Variants in FBN2 observed in about 807,000 individuals in gnomAD.
The protein encoded by FBN2 is fibrillin-2.
A neutral mutation model predicts 355.6 loss-of-function variants in FBN2; 105 were observed. The ratio of observed to expected loss-of-function variants is 0.30; its 90% CI spans 0.25 to 0.35. The LOEUF is 0.35. FBN2 is among the 10% of genes least tolerant of loss of function. The probability of loss-of-function intolerance (pLI) is 1.00; values close to 1 mark genes in which losing one functional copy is unlikely to be tolerated. For missense variants in FBN2, 3,280 were observed against 3,758.7 expected, an observed-to-expected ratio of 0.87 and a Z score of 3.33; for synonymous variants, 1,350 against 1,301.2, an observed-to-expected ratio of 1.04 and a Z score of -0.81.
chr5:128,376,258 C>A (rs1752074567), intron 14 of FBN2, among the ~76,000 whole-genome samples: 1 of 152,048 alleles, frequency 6.6e-6, no homozygotes, highest in Non-Finnish European at 1.5e-5. Flanking sequence ...AAAATTATGT[C>A]TTCACTAAAT....
intron 7 of FBN2, among the ~76,000 whole-genome samples, chr5:128,439,351 T>C (rs183096496): frequency 6.6e-6 from 1 of 152,180 alleles, no homozygotes; most frequent in East Asian, 1.9e-4. Context: ...TATACTCTTA[T>C]CAGGAATTTG....
chr5:128,276,248 T>G (rs1440415203), intron 58 of FBN2, 88 bp from the exon 59 acceptor site: 1 of 1,414,656 alleles, frequency 7.1e-7, no homozygotes, highest in Non-Finnish European at 9.9e-7. Flanking sequence ...TTCATTCTTT[T>G]TGTTTTTCCT....
chr5:128,264,048 T>C (rs886881764), intron 62 of FBN2, among the ~76,000 whole-genome samples: 7 of 152,146 alleles, frequency 4.6e-5, no homozygotes, highest in African/African-American at 1.7e-4. Flanking sequence ...AAATGGGAAA[T>C]GACCGCTCTT....
chr5:128,444,143 G>A (rs1250994818), intron 7 of FBN2, among the ~76,000 whole-genome samples: 3 of 143,326 alleles, frequency 2.1e-5, no homozygotes, highest in Non-Finnish European at 4.5e-5. Context: ...CGCGATCTCG[G>A]CTCACTGCAA....
At chr5:128,264,402 G>T (rs1047791699) in intron 62 of FBN2, among the ~76,000 whole-genome samples, 4 of 152,168 alleles carry the variant, frequency 2.6e-5, no homozygotes, top group East Asian at 1.9e-4. Flanking sequence ...TCTGAGGCAG[G>T]TTTGCATCCA....
chr5:128,468,574 T>C (rs1221197967), intron 5 of FBN2, among the ~76,000 whole-genome samples: 1 of 152,232 alleles, frequency 6.6e-6, no homozygotes, highest in Non-Finnish European at 1.5e-5. Flanking sequence ...CATTTTATAT[T>C]CTCCTCAGCA....
Position 128,440,818 on chromosome 5 carries a change from A to T in FBN2, c.952+5663T>A, listed in dbSNP as rs538269576. On this transcript the variant is annotated intron_variant, in intron 7 of 64. Coordinates refer to ENST00000262464, the MANE Select transcript of FBN2 (RefSeq NM_001999.4). The stretch of plus-strand genomic sequence containing the variant: ...AAATATAACAAAAATCCCTTAACTG[A>T]ATATCTAACATATCAGCCAGAGAGG... Among the ~76,000 whole-genome samples the T allele has an allele frequency of 2.6e-5, 4 of 152,336 alleles. No individual in the cohort carries two copies. In the East Asian group the frequency reaches 7.7e-4, roughly 29 times the overall value.
chr5:128,469,342 T>A (rs1322659799), intron 5 of FBN2, among the ~76,000 whole-genome samples: 1 of 152,056 alleles, frequency 6.6e-6, no homozygotes, highest in Non-Finnish European at 1.5e-5. Flanking sequence ...CCATCCTGGC[T>A]AACAGGTGAA....
In FBN2 at chr5:128,361,808, G is replaced by A. The variant is rs770997817; in HGVS notation, c.2469C>T (p.Asn823=). The A allele has an allele frequency of 3.3e-5, 53 of 1,613,918 alleles. No homozygotes were observed. The African/African-American group carries it at 3.9e-4, about 12-fold the overall frequency. The part of the protein sequence containing the change: ...ECLVNRLLCD[N]GLCRNTPGSY... ...TTCCTGGCGTGTTTCGGCACAATCC[G>A]TTATCACAAAGCAGTCTGTTTACTA... Residue 823 remains asparagine (N), a synonymous_variant, in exon 19 of 65, where the codon AAC becomes AAT. Coordinates refer to ENST00000262464, the MANE Select transcript of FBN2 (RefSeq NM_001999.4).
Position 128,403,201 on chromosome 5 carries a change from AC to A in FBN2, c.1078+5472del, listed in dbSNP as rs201403120. On this transcript the variant is annotated intron_variant, in intron 8 of 64. Coordinates refer to ENST00000262464, the MANE Select transcript of FBN2 (RefSeq NM_001999.4). ...CTTTTCTTGAAAAAGGAAAAAAAAA[AC>A]CCATATACTGGTCATCACTTCTGCC... Among the ~76,000 whole-genome samples the A allele has an allele frequency of 9.7e-3, 1,477 of 152,148 alleles. 21 individuals carry two copies. The highest frequency in any genetic ancestry group is 0.032 in the African/African-American group (1,327 of 41,518).
At chr5:128,528,020 T>G in intron 3 of FBN2, 53 bp from the exon 4 acceptor site, 1 of 1,155,362 alleles carries the variant, frequency 8.7e-7, no homozygotes. Flanking sequence ...AAAATTATAG[T>G]ATATGTGAGA....
intron 23 of FBN2, among the ~76,000 whole-genome samples, chr5:128,348,278 T>C (rs1359555232): frequency 6.6e-6 from 1 of 152,182 alleles, no homozygotes; most frequent in African/African-American, 2.4e-5. Context: ...GAATATTTTG[T>C]CATTTTCAAA....
In FBN2 at chr5:128,336,082, G is replaced by C. The variant is rs764902856; in HGVS notation, c.3630C>G (p.Leu1210=). The change falls in exon 28 of 65, where the codon CTC becomes CTG. Residue 1210 remains leucine (L), a synonymous_variant. Coordinates refer to ENST00000262464, the MANE Select transcript of FBN2 (RefSeq NM_001999.4). ...TGTTCACACATTTTCCATTTCTGCA[G>C]AGATTGTCACTCAGGGAGCATTCAT... The part of the protein sequence containing the change: ...DINECSLSDN[L]CRNGKCVNMI... The C allele has an allele frequency of 3.1e-6, 5 of 1,613,404 alleles. No individual in the cohort carries two copies. The highest frequency in any genetic ancestry group is 4.2e-6 in the Non-Finnish European group (5 of 1,179,526).
chr5:128,277,515 C>G (rs1057038199), intron 58 of FBN2, among the ~76,000 whole-genome samples: 2 of 152,052 alleles, frequency 1.3e-5, no homozygotes, highest in African/African-American at 4.8e-5. Flanking sequence ...GAGTGACAAA[C>G]AAATGTGCAC....
At chr5:128,474,675 T>C (rs1196007122) in intron 5 of FBN2, among the ~76,000 whole-genome samples, 1 of 152,220 alleles carries the variant, frequency 6.6e-6, no homozygotes, top group Non-Finnish European at 1.5e-5. Flanking sequence ...TCCTGAGTGA[T>C]GTAAGCAGCC....
At chr5:128,283,831 C>T (rs1344162284) in intron 55 of FBN2, among the ~76,000 whole-genome samples, 2 of 152,192 alleles carry the variant, frequency 1.3e-5, no homozygotes, top group Non-Finnish European at 2.9e-5. Context: ...TATCAGTTAA[C>T]AGTAGCATCA....
chr5:128,512,187 C>G (rs1756147850), intron 5 of FBN2, among the ~76,000 whole-genome samples: 2 of 152,108 alleles, frequency 1.3e-5, no homozygotes, highest in Admixed American at 6.5e-5. Flanking sequence ...GAAACAGTCT[C>G]TCTCTCACCC....
chr5:128,339,204 G>A (rs1750932026), intron 25 of FBN2, 143 bp from the exon 26 acceptor site: 2 of 787,992 alleles, frequency 2.5e-6, no homozygotes, highest in Non-Finnish European at 4.3e-6. Context: ...CAGATAGAAG[G>A]GCCTGGGACC....
intron 2 of FBN2, among the ~76,000 whole-genome samples, chr5:128,533,929 C>T (rs1756779697): frequency 6.6e-6 from 1 of 150,846 alleles, no homozygotes. Context: ...TTTGGAAGTA[C>T]TTCAGTAATT....
Sources: gnomAD v4.1 joint callset for allele counts (sites outside exome capture counted in the v4.1 genomes callset) on GRCh38, gnomAD v4.1.1 for gene constraint, MANE v1.5 for transcripts, NCBI Gene and HGNC (gene_info 2026-07-23, HGNC 2026-07-21) for gene names.